TBC1D7: variants seen among roughly 807,000 people sequenced by gnomAD.
TBC1D7 encodes the protein TBC1 domain family member 7.
Under a neutral mutation model 35.3 loss-of-function variants are expected in TBC1D7, and 33 were observed. That is an observed-to-expected ratio of 0.93 (90% CI 0.71 to 1.25). The LOEUF (loss-of-function observed/expected upper bound fraction) is 1.25, where lower values mean the gene tolerates loss of function less well. Among genes scored for constraint, TBC1D7 ranks in the 50% most tolerant of loss-of-function variants. TBC1D7 has a pLI of 0.00. For missense variants in TBC1D7, 362 were observed against 365.3 expected (o/e 0.99, Z 0.07); for synonymous variants, 135 against 129.5 (o/e 1.04, Z -0.29).
At chr6:13,317,050 A>G (rs2496129) in intron 4 of TBC1D7, among the ~76,000 whole-genome samples, 81,239 of 152,088 alleles carry the variant, frequency 0.53, 22,878 homozygotes, top group African/African-American at 0.71. Flanking sequence ...AGGTGAGGAT[A>G]TCTTTGAAAA....
Position 13,305,145 on chromosome 6 carries a change from C to G in TBC1D7, c.838G>C (p.Asp280His). 1 of 1,614,076 alleles carries G rather than the reference C, an allele frequency of 6.2e-7. No homozygotes were observed. The highest frequency in any genetic ancestry group is 1.1e-5 in the South Asian group (1 of 91,078). ...GTCCCACAGTGTTTGTGCCACAAGTCAATGGCCTTGCTCACGATCGCGTCT... is the reference window on the plus strand; with the variant it reads ...GTCCCACAGTGTTTGTGCCACAAGTGAATGGCCTTGCTCACGATCGCGTCT... ...SSDAIVSKAI[D>H]LWHKHCGTPV... Residue 280 changes from aspartate to histidine, a missense_variant, in exon 8 of 8, where the codon GAC becomes CAC. By Grantham distance (81) the Asp-to-His change is moderately conservative. Transcript: ENST00000379300.
chr6:13,323,581 G>C (rs1003003954), intron 3 of TBC1D7: 14 of 152,242 alleles, frequency 9.2e-5, no homozygotes, highest in African/African-American at 3.4e-4. Context: ...TTAAAGAAAA[G>C]TGCTCTGGGA....
rs777962190 is a variant in TBC1D7 at position 13,316,723 on chromosome 6, A to C, written c.382-15T>G. On this transcript the variant is annotated splice_polypyrimidine_tract_variant and intron_variant, in intron 4 of 7. Coordinates refer to ENST00000379300, the MANE Select transcript of TBC1D7 (RefSeq NM_016495.6). Reference sequence around the variant, plus strand: ...TCATCTGGCTCCTGAAAGATTAATAATAAATCTCAAGAGGAAGGCAGTGAA... The same window carrying C: ...TCATCTGGCTCCTGAAAGATTAATACTAAATCTCAAGAGGAAGGCAGTGAA... 6.2e-7 allele frequency: 1 copy of C among 1,612,878 alleles called. No individual in the cohort carries two copies. The highest frequency in any genetic ancestry group is 1.1e-5 in the South Asian group (1 of 90,732).
Position 13,312,099 on chromosome 6 carries a change from G to T in TBC1D7, c.520-4354C>A, listed in dbSNP as rs572166183. Among the ~76,000 whole-genome samples the T allele has an allele frequency of 1.2e-4, 19 of 152,190 alleles. No homozygotes were observed. The South Asian group carries it at 3.7e-3, about 30-fold the overall frequency. ...TCTACTGCTTACTAACTGAGACCTT[G>T]GTCTTACTTAACTTCTCTGTGCTTC... On this transcript the variant is annotated intron_variant, in intron 5 of 7. Transcript: ENST00000379300.
chr6:13,326,881 CT>C lies in TBC1D7; in HGVS notation c.17del (p.Gln6ArgfsTer23). On this transcript the variant is annotated frameshift_variant, in exon 2 of 8. Transcript: ENST00000379300. LOFTEE classifies it high-confidence loss of function. MTEDS[Q>X]RNFRSVYYEK... ...CATAATATACTGAACGAAAGTTTCT[CT>C]GAGAGTCCTCAGTCATATTTCATTC... The C allele has an allele frequency of 1.2e-6, 2 of 1,607,456 alleles. No individual in the cohort carries two copies. Among genetic ancestry groups the C allele is most frequent in the Non-Finnish European group, 1.7e-6 (2 of 1,176,282 alleles).
chr6:13,324,435 CTTTT>C (rs890460225), intron 3 of TBC1D7, among the ~76,000 whole-genome samples: 4 of 152,050 alleles, frequency 2.6e-5, no homozygotes, highest in African/African-American at 7.2e-5. Context: ...GCCAAAAATA[CTTTT>C]TTTAAGAAAG....
chr6:13,305,254 G>A lies in TBC1D7; in HGVS notation c.796-67C>T, dbSNP rs1001424802. 34 of 1,450,332 alleles carry A rather than the reference G, an allele frequency of 2.3e-5. No individual in the cohort carries two copies. The East Asian group carries it at 3.9e-4, about 16-fold the overall frequency. The allele number at this position is 1,450,332 out of a possible 1,614,324, so 89.8% of individuals were successfully genotyped here. On this transcript the variant is annotated intron_variant, in intron 7 of 7. Transcript: ENST00000379300. The stretch of plus-strand genomic sequence containing the variant: ...ACAACTTCAGTGTCTTCCCTCATTC[G>A]CTGTGGCATGAAATCCACTTCCATG...
At chr6:13,321,721 C>G (rs965893452) in intron 3 of TBC1D7, among the ~76,000 whole-genome samples, 1 of 152,176 alleles carries the variant, frequency 6.6e-6, no homozygotes, top group African/African-American at 2.4e-5. Context: ...GACAGACCAG[C>G]CATCCTGGGT....
chr6:13,323,396 G>T (rs1784184567), intron 3 of TBC1D7, among the ~76,000 whole-genome samples: 1 of 151,838 alleles, frequency 6.6e-6, no homozygotes, highest in Non-Finnish European at 1.5e-5. Context: ...AAGAAGAGTA[G>T]AAGTGAGGAA....
intron 5 of TBC1D7, among the ~76,000 whole-genome samples, chr6:13,316,195 C>T (rs766115389): frequency 1.2e-4 from 18 of 152,192 alleles, no homozygotes; most frequent in Non-Finnish European, 1.5e-5. Flanking sequence ...TATATGCAGC[C>T]AAATGAAAAC....
intron 5 of TBC1D7, among the ~76,000 whole-genome samples, chr6:13,314,183 C>A (rs1255250903): frequency 6.8e-6 from 1 of 147,136 alleles, no homozygotes; most frequent in Admixed American, 6.9e-5. Context: ...CCCGCCTTGG[C>A]GACCAAGCGA....
chr6:13,323,074 C>T (rs527359433), intron 3 of TBC1D7, among the ~76,000 whole-genome samples: 59 of 152,188 alleles, frequency 3.9e-4, no homozygotes, highest in African/African-American at 1.4e-3. Flanking sequence ...AAAGGTGGGC[C>T]GAGCGCGGTG....
intron 3 of TBC1D7, chr6:13,323,867 A>G (rs1239751119): frequency 1.3e-5 from 2 of 152,250 alleles, no homozygotes; most frequent in East Asian, 3.8e-4. Flanking sequence ...CTCAAATCCT[A>G]GCTCTGCCAC....
intron 5 of TBC1D7, among the ~76,000 whole-genome samples, chr6:13,315,922 G>A (rs542326695): frequency 6.6e-6 from 1 of 152,202 alleles, no homozygotes; most frequent in Non-Finnish European, 1.5e-5. Context: ...TACATGCAGA[G>A]GGAAAGCCTA....
chr6:13,308,443 G>T lies in TBC1D7; in HGVS notation c.520-698C>A, dbSNP rs571400176. ...GAACAAAGCACCTGGATTCCACTTG[G>T]TAGCCTCTCTCATGAGGTCAGGTGG... On this transcript the variant is annotated intron_variant, in intron 5 of 7. Coordinates refer to ENST00000379300, the MANE Select transcript of TBC1D7 (RefSeq NM_016495.6). Among the ~76,000 whole-genome samples the T allele has an allele frequency of 2.4e-5, 3 of 122,802 alleles. No individual in the cohort carries two copies. The East Asian group carries it at 9.8e-4, about 40-fold the overall frequency. The allele number at this position is 122,802 out of a possible 152,430, so 80.6% of individuals were successfully genotyped here.
At chr6:13,324,392 T>C (rs771527378) in intron 3 of TBC1D7, among the ~76,000 whole-genome samples, 2 of 152,204 alleles carry the variant, frequency 1.3e-5, no homozygotes, top group South Asian at 2.1e-4. Context: ...CCTCCCAAAG[T>C]GCTGGGATTC....
At chr6:13,305,297 T>C in intron 7 of TBC1D7, 110 bp from the exon 8 acceptor site, 5 of 1,036,568 alleles carry the variant, frequency 4.8e-6, no homozygotes, top group Non-Finnish European at 5.9e-6. Context: ...GCACTGTTTT[T>C]CAGAAAGTGA....
chr6:13,313,541 G>C (rs1356633219), intron 5 of TBC1D7, among the ~76,000 whole-genome samples: 1 of 140,830 alleles, frequency 7.1e-6, no homozygotes, highest in Non-Finnish European at 1.5e-5. Flanking sequence ...TCTGCTCGTA[G>C]GTACCAAGCC....
chr6:13,316,185 T>C (rs1410141155), intron 5 of TBC1D7, among the ~76,000 whole-genome samples: 1 of 152,218 alleles, frequency 6.6e-6, no homozygotes, highest in Non-Finnish European at 1.5e-5. Flanking sequence ...GGCTTCCCAT[T>C]ATATGCAGCC....
Sources: allele counts gnomAD v4.1 joint callset (sites outside exome capture counted in the v4.1 genomes callset), GRCh38; gene constraint gnomAD v4.1.1; transcripts MANE v1.5; gene names NCBI Gene and HGNC (gene_info 2026-07-23, HGNC 2026-07-21).